CTNNA3: variants seen among roughly 807,000 people sequenced by gnomAD.
CTNNA3 encodes the protein catenin alpha-3.
In CTNNA3, 76 loss-of-function variants were observed where a neutral mutation model predicts 95.7. The ratio of observed to expected loss-of-function variants is 0.79; its 90% CI spans 0.66 to 0.96. The LOEUF (loss-of-function observed/expected upper bound fraction) is 0.96. Among genes scored for constraint, CTNNA3 ranks in the 40% least tolerant of loss-of-function variants. The pLI, the probability that CTNNA3 is intolerant of heterozygous loss-of-function variation, is 0.00. For missense variants in CTNNA3, 1,191 were observed against 1,089.8 expected (o/e 1.09, Z -1.31); for synonymous variants, 431 against 374.4 (o/e 1.15, Z -1.74).
intron 5 of CTNNA3, among the ~76,000 whole-genome samples, chr10:67,332,695 A>G (rs1589176860): frequency 6.6e-6 from 1 of 152,092 alleles, no homozygotes; most frequent in East Asian, 1.9e-4. Flanking sequence ...TTCTTTACAC[A>G]TTTTTTAAAA....
At chr10:66,885,850 C>T (rs920052696) in intron 7 of CTNNA3, among the ~76,000 whole-genome samples, 2 of 152,068 alleles carry the variant, frequency 1.3e-5, no homozygotes, top group South Asian at 2.1e-4. Context: ...CTATAAAAGG[C>T]CTTTGTTTCT....
At chr10:67,528,331 A>G (rs1183262755) in intron 4 of CTNNA3, among the ~76,000 whole-genome samples, 1 of 152,116 alleles carries the variant, frequency 6.6e-6, no homozygotes, top group Non-Finnish European at 1.5e-5. Flanking sequence ...TACCCTGCTT[A>G]AAATTCTTTC....
chr10:66,537,001 C>G (rs1434955576), intron 10 of CTNNA3, among the ~76,000 whole-genome samples: 1 of 151,502 alleles, frequency 6.6e-6, no homozygotes, highest in East Asian at 1.9e-4. Context: ...CATAAAAAGT[C>G]CGAGGTTAAA....
At chr10:66,649,955 G>A (rs566826803) in intron 9 of CTNNA3, among the ~76,000 whole-genome samples, 27 of 152,304 alleles carry the variant, frequency 1.8e-4, no homozygotes, top group African/African-American at 5.8e-4. Context: ...ATCCCATGCA[G>A]TCCCAGGCCT....
At chr10:66,785,072 T>A (rs926314476) in intron 7 of CTNNA3, among the ~76,000 whole-genome samples, 2 of 152,172 alleles carry the variant, frequency 1.3e-5, no homozygotes, top group African/African-American at 4.8e-5. Flanking sequence ...TGGTCTGGGG[T>A]CACCTTGTTT....
intron 9 of CTNNA3, among the ~76,000 whole-genome samples, chr10:66,689,451 AT>A (rs1248511009): frequency 7.2e-5 from 11 of 152,196 alleles, no homozygotes. Context: ...TCATAATCAT[AT>A]TTATGCAAAT....
At chr10:66,291,675 C>T (rs1212368146) in intron 12 of CTNNA3, among the ~76,000 whole-genome samples, 1 of 151,738 alleles carries the variant, frequency 6.6e-6, no homozygotes, top group Non-Finnish European at 1.5e-5. Context: ...GTTTGTCACC[C>T]TATTTGATGT....
chr10:66,654,894 GA>G (rs1444386824), intron 9 of CTNNA3, among the ~76,000 whole-genome samples: 2 of 152,022 alleles, frequency 1.3e-5, no homozygotes, highest in Non-Finnish European at 2.9e-5. Flanking sequence ...TAAAAAGGTT[GA>G]AATCATAGAA....
At chr10:67,704,483 A>C (rs1167141296) in intron 1 of CTNNA3, among the ~76,000 whole-genome samples, 16 of 152,198 alleles carry the variant, frequency 1.1e-4, no homozygotes, top group Non-Finnish European at 2.2e-4. Flanking sequence ...CATATCTACA[A>C]CTATCTGATC....
chr10:67,682,676 T>C (rs150021281), intron 1 of CTNNA3, among the ~76,000 whole-genome samples: 3 of 152,350 alleles, frequency 2.0e-5, no homozygotes, highest in East Asian at 1.9e-4. Flanking sequence ...GTAATACTTA[T>C]GAAATTTTAA....
At chr10:66,952,518 AAATT>A (rs1848586158) in intron 7 of CTNNA3, among the ~76,000 whole-genome samples, 1 of 152,058 alleles carries the variant, frequency 6.6e-6, no homozygotes, top group Non-Finnish European at 1.5e-5. Context: ...CCTAATGGAA[AAATT>A]AATTGTGTGT....
chr10:67,027,022 A>G (rs1222775392), intron 7 of CTNNA3, among the ~76,000 whole-genome samples: 2 of 152,204 alleles, frequency 1.3e-5, no homozygotes, highest in Admixed American at 1.3e-4. Flanking sequence ...CCTTTTACCA[A>G]TTCACAAATA....
At position 67,185,389 on chromosome 10, in the gene CTNNA3, G is replaced by A. The variant is rs7069410; in HGVS notation, c.844-4869C>T. Among the ~76,000 whole-genome samples the A allele has an allele frequency of 5.1e-3, 780 of 152,110 alleles. 6 individuals are homozygous for A. Among genetic ancestry groups the A allele is most frequent in the African/African-American group, 0.018 (730 of 41,498 alleles). Reference sequence around the variant, plus strand: ...GATCCGCCTGCCTCGGCCTCCCAAAGTGCTGGGATTACAGGTGTGAGCCAT... The same window carrying A: ...GATCCGCCTGCCTCGGCCTCCCAAAATGCTGGGATTACAGGTGTGAGCCAT... On this transcript the variant is annotated intron_variant, in intron 6 of 17. Coordinates refer to ENST00000433211, the MANE Select transcript of CTNNA3 (RefSeq NM_013266.4).
At chr10:66,374,240 T>A (rs2092776078) in intron 12 of CTNNA3, among the ~76,000 whole-genome samples, 1 of 152,086 alleles carries the variant, frequency 6.6e-6, no homozygotes, top group Admixed American at 6.6e-5. Flanking sequence ...CTGATTATGA[T>A]CAAAGGCAAA....
At chr10:66,641,503 G>T (rs1221289431) in intron 9 of CTNNA3, among the ~76,000 whole-genome samples, 1 of 152,040 alleles carries the variant, frequency 6.6e-6, no homozygotes, top group African/African-American at 2.4e-5. Context: ...ACCACATTTT[G>T]GGATGATTTA....
chr10:66,217,835 C>G (rs1162148788), intron 13 of CTNNA3, among the ~76,000 whole-genome samples: 2 of 152,056 alleles, frequency 1.3e-5, no homozygotes, highest in African/African-American at 4.8e-5. Flanking sequence ...CAGGAGATAG[C>G]GGGAGGTCCA....
intron 7 of CTNNA3, among the ~76,000 whole-genome samples, chr10:66,990,853 T>G (rs1326736336): frequency 6.6e-6 from 1 of 152,202 alleles, no homozygotes; most frequent in Non-Finnish European, 1.5e-5. Flanking sequence ...ACTAGTATCA[T>G]GGGCATCTTT....
intron 14 of CTNNA3, among the ~76,000 whole-genome samples, chr10:66,099,412 T>A (rs1039718201): frequency 2.6e-5 from 4 of 152,174 alleles, no homozygotes; most frequent in Non-Finnish European, 4.4e-5. Flanking sequence ...ATTGAAGATA[T>A]AAATGTCATT....
At chr10:66,188,424 G>A (rs146171692) in intron 13 of CTNNA3, among the ~76,000 whole-genome samples, 109 of 151,482 alleles carry the variant, frequency 7.2e-4, no homozygotes, top group Middle Eastern at 6.8e-3. Context: ...TTTCTTTGTA[G>A]TCTTTCTTGT....
Sources: allele counts gnomAD v4.1 joint callset (sites outside exome capture counted in the v4.1 genomes callset), GRCh38; gene constraint gnomAD v4.1.1; transcripts MANE v1.5; gene names NCBI Gene and HGNC (gene_info 2026-07-23, HGNC 2026-07-21).